Variants in ARPC1B observed in about 807,000 individuals in gnomAD.
The protein encoded by ARPC1B is actin-related protein 2/3 complex subunit 1B.
Under a neutral mutation model 46.0 loss-of-function variants are expected in ARPC1B, and 29 were observed. The observed-to-expected ratio is 0.63, with a 90% CI of 0.47 to 0.86. ARPC1B has a LOEUF of 0.86. Among genes scored for constraint, ARPC1B ranks in the 40% least tolerant of loss-of-function variants. ARPC1B has a pLI of 0.00. For synonymous variants in ARPC1B, 201 were observed against 213.9 expected, an observed-to-expected ratio of 0.94 and a Z score of 0.53; for missense variants, 469 against 529.4, an observed-to-expected ratio of 0.89 and a Z score of 1.12.
chr7:99,381,126 G>T (rs187470499), intron 1 of ARPC1B, among the ~76,000 whole-genome samples: 37 of 152,322 alleles, frequency 2.4e-4, no homozygotes, highest in African/African-American at 8.7e-4. Context: ...GGCTGAGGGC[G>T]CTGAGATGGT....
chr7:99,379,435 C>G (rs1310500446), intron 1 of ARPC1B, among the ~76,000 whole-genome samples: 1 of 152,162 alleles, frequency 6.6e-6, no homozygotes, highest in Admixed American at 6.6e-5. Context: ...GCTGGCTGCT[C>G]TATCCAAGAA....
chr7:99,376,070 A>G (rs895676495), intron 1 of ARPC1B, among the ~76,000 whole-genome samples: 2 of 151,778 alleles, frequency 1.3e-5, no homozygotes, highest in African/African-American at 2.4e-5. Flanking sequence ...TCAAAAAAAA[A>G]AAAAAAAGCC....
intron 5 of ARPC1B, among the ~76,000 whole-genome samples, 188 bp from the exon 6 acceptor site, chr7:99,390,705 T>A (rs1176916024): frequency 0.012 from 1,850 of 151,058 alleles, 16 homozygotes; most frequent in Admixed American, 0.031. Context: ...AAAAAAAATT[T>A]TTTTTTTTTT....
intron 1 of ARPC1B, among the ~76,000 whole-genome samples, chr7:99,382,071 G>A (rs1794245199): frequency 6.6e-6 from 1 of 152,196 alleles, no homozygotes. Flanking sequence ...CTGGAGCCTG[G>A]CATCCCTCCC....
intron 1 of ARPC1B, among the ~76,000 whole-genome samples, chr7:99,381,932 CAG>C (rs988302988): frequency 2.6e-5 from 4 of 152,218 alleles, no homozygotes; most frequent in African/African-American, 9.6e-5. Context: ...GGTTGGCTCC[CAG>C]CCCAGGCCCT....
chr7:99,394,414 A>G (rs1470585882), intron 9 of ARPC1B, 37 bp from the exon 10 acceptor site: 1 of 1,574,018 alleles, frequency 6.4e-7, no homozygotes, highest in Non-Finnish European at 8.7e-7. Flanking sequence ...CCTGCAGGAC[A>G]GCTGAGAACC....
chr7:99,378,688 T>G (rs901579639), intron 1 of ARPC1B, among the ~76,000 whole-genome samples: 7 of 143,810 alleles, frequency 4.9e-5, no homozygotes, highest in Non-Finnish European at 7.6e-5. Flanking sequence ...ATCTCAAAAA[T>G]AAAAAAGAAA....
intron 1 of ARPC1B, among the ~76,000 whole-genome samples, chr7:99,379,299 T>C (rs1256736601): frequency 2.0e-5 from 3 of 152,208 alleles, no homozygotes; most frequent in African/African-American, 7.2e-5. Context: ...TGTGTGTTTC[T>C]TGACTTCACT....
At chr7:99,390,702 ATTT>A (rs557286731) in intron 5 of ARPC1B, among the ~76,000 whole-genome samples, 188 bp from the exon 6 acceptor site, 3 of 143,276 alleles carry the variant, frequency 2.1e-5, no homozygotes, top group Admixed American at 7.0e-5. Context: ...TTTAAAAAAA[ATTT>A]TTTTTTTTTT....
intron 1 of ARPC1B, among the ~76,000 whole-genome samples, chr7:99,378,080 G>A (rs1416965754): frequency 6.6e-6 from 1 of 152,012 alleles, no homozygotes; most frequent in Middle Eastern, 3.4e-3. Flanking sequence ...TTATTTTTTA[G>A]ATGAGGTTTC....
chr7:99,393,494 G>A (rs1000067653), intron 8 of ARPC1B, among the ~76,000 whole-genome samples: 2 of 152,062 alleles, frequency 1.3e-5, no homozygotes, highest in African/African-American at 4.8e-5. Flanking sequence ...AGCGAGGTGG[G>A]GGCGGAGCTG....
At chr7:99,375,293 G>C (rs992953555) in intron 1 of ARPC1B, among the ~76,000 whole-genome samples, 2 of 152,120 alleles carry the variant, frequency 1.3e-5, no homozygotes, top group South Asian at 4.1e-4. Flanking sequence ...GGTTGCAGCC[G>C]CCGGGAAATG....
chr7:99,381,995 T>A (rs1488249124), intron 1 of ARPC1B, among the ~76,000 whole-genome samples: 1 of 152,184 alleles, frequency 6.6e-6, no homozygotes, highest in Non-Finnish European at 1.5e-5. Flanking sequence ...CCACATTATC[T>A]AATGGCTGTC....
At chr7:99,385,619 A>C in intron 1 of ARPC1B, 83 bp from the exon 2 acceptor site, 1 of 1,207,342 alleles carries the variant, frequency 8.3e-7, no homozygotes, top group Non-Finnish European at 1.2e-6. Flanking sequence ...GAGGCCTGTG[A>C]GGATCATCTG....
In ARPC1B at chr7:99,389,987, G is replaced by A; in HGVS notation, c.475G>A (p.Ala159Thr). ...GCACCCCAACAATGTGCTGCTGGCT[G>A]CCGGCTCCTGTGACTTCAAGTGTCG... ...DWHPNNVLLA[A>T]GSCDFKCRIF... The change falls in exon 5 of 10, where the codon GCC becomes ACC. Residue 159 changes from alanine (A) to threonine (T), a missense_variant. Physicochemically the swap from Ala to Thr is moderately conservative, Grantham distance 58. Coordinates refer to ENST00000646101, the MANE Select transcript of ARPC1B (RefSeq NM_005720.4). The A allele has an allele frequency of 6.2e-7, 1 of 1,614,144 alleles. No homozygotes were observed. The highest frequency in any genetic ancestry group is 1.1e-5 in the South Asian group (1 of 91,088).
chr7:99,385,934 A>G (rs1275926048), intron 2 of ARPC1B, among the ~76,000 whole-genome samples, 156 bp downstream of exon 2: 1 of 152,102 alleles, frequency 6.6e-6, no homozygotes, highest in Non-Finnish European at 1.5e-5. Flanking sequence ...CCAGCTGACC[A>G]GGGGCCTCCT....
chr7:99,394,801 AG>A lies in ARPC1B; in HGVS notation c.*313del, dbSNP rs1794715089. On this transcript the variant is annotated 3_prime_UTR_variant, in exon 10 of 10. Transcript: ENST00000646101. ...GTGTAAAAAAAAAAAAAAAAAAAAA[AG>A]TAATTATGGACATGCTTGCCTATGT... 2 of 1,175,094 alleles carry A rather than the reference AG, an allele frequency of 1.7e-6. No homozygotes were observed. Among genetic ancestry groups the A allele is most frequent in the African/African-American group, 1.6e-5 (1 of 61,576 alleles). 72.8% of individuals were successfully genotyped at this position (1,175,094 alleles called of 1,614,324 possible). A position where few individuals can be genotyped will look rare whatever the true frequency, so the allele number is the denominator to read the frequency against.
intron 3 of ARPC1B, among the ~76,000 whole-genome samples, chr7:99,387,785 G>A (rs57980352): frequency 0.11 from 16,321 of 148,228 alleles, 1,446 homozygotes; most frequent in African/African-American, 0.24. Flanking sequence ...CTGTAGTCCC[G>A]GCTACTCAGG....
At chr7:99,388,519 C>T (rs1014480596) in intron 4 of ARPC1B, 1 of 490,496 alleles carries the variant, frequency 2.0e-6, no homozygotes, top group East Asian at 3.3e-5. Flanking sequence ...TTAGTCCTGA[C>T]TTCCCTGCAG....
Sources: allele counts gnomAD v4.1 joint callset (sites outside exome capture counted in the v4.1 genomes callset), GRCh38; gene constraint gnomAD v4.1.1; transcripts MANE v1.5; gene names NCBI Gene and HGNC (gene_info 2026-07-23, HGNC 2026-07-21).